The following ZNF469 variants were observed in gnomAD, a reference collection of about 807,000 sequenced individuals.
The protein encoded by ZNF469 is zinc finger protein 469.
In ZNF469, 1 loss-of-function variant was observed where a neutral mutation model predicts 1.0. That is an observed-to-expected ratio of 1.00 (90% CI 0.35 to 4.73). The LOEUF is 4.73. ZNF469 is among the 30% of genes most tolerant of loss of function. The pLI, the probability that ZNF469 is intolerant of heterozygous loss-of-function variation, is 0.16. For missense variants in ZNF469, 6,100 were observed against 5,356.3 expected, an observed-to-expected ratio of 1.14 and a Z score of -4.33; for synonymous variants, 2,703 against 2,363.4, an observed-to-expected ratio of 1.14 and a Z score of -4.17.
At chr16:88,409,459 C>T (rs1470102239) in intron 1 of ZNF469, among the ~76,000 whole-genome samples, 1 of 152,034 alleles carries the variant, frequency 6.6e-6, no homozygotes, top group Admixed American at 6.5e-5. Context: ...CAGTCACCTG[C>T]ATCCTCGGGG....
the ZNF469 span, among the ~76,000 whole-genome samples, chr16:88,346,426 C>T: frequency 6.6e-6 from 1 of 152,280 alleles, no homozygotes; most frequent in Admixed American, 6.5e-5. Context: ...CCTCCCAGCC[C>T]TGGCCTGGAC....
the ZNF469 span, among the ~76,000 whole-genome samples, chr16:88,284,834 T>TC: frequency 1.6e-4 from 24 of 152,160 alleles, no homozygotes; most frequent in African/African-American, 5.6e-4. Context: ...GAGCCGCAGG[T>TC]CCCCACACAT....
At chr16:88,176,734 C>T in the ZNF469 span, among the ~76,000 whole-genome samples, 2 of 152,258 alleles carry the variant, frequency 1.3e-5, no homozygotes, top group Admixed American at 1.3e-4. Flanking sequence ...CCTGCCGGCC[C>T]ACATACAGCC....
the ZNF469 span, among the ~76,000 whole-genome samples, chr16:88,260,922 G>A: frequency 6.6e-6 from 1 of 152,142 alleles, no homozygotes; most frequent in East Asian, 1.9e-4. This position sits in a 1 kb window ranked among gnomAD's most constrained non-coding sequence, Gnocchi z 4.1. Context: ...AGGCTGCGTG[G>A]CCACGGACGC....
chr16:88,355,909 G>A, the ZNF469 span, among the ~76,000 whole-genome samples: 1 of 152,140 alleles, frequency 6.6e-6, no homozygotes, highest in Non-Finnish European at 1.5e-5. Flanking sequence ...GTCAGCCTCT[G>A]GGGCATGCCG....
the ZNF469 span, among the ~76,000 whole-genome samples, chr16:88,174,184 AAGAT>A: frequency 6.6e-6 from 1 of 152,204 alleles, no homozygotes; most frequent in Non-Finnish European, 1.5e-5. Context: ...AATCAATAGA[AAGAT>A]AGAGTGGCTC....
At chr16:88,179,057 C>T in the ZNF469 span, 1 of 152,414 alleles carries the variant, frequency 6.6e-6, no homozygotes, top group East Asian at 1.9e-4. Context: ...GCGTGTGATC[C>T]TGTGGGTGGG....
Position 88,432,321 on chromosome 16 carries a change from C to T in ZNF469, c.4851C>T (p.Pro1617=). The part of the protein sequence containing the change: ...SQRRTCQATV[P]HEDTFSAADL... ...GGCGCACCTGCCAGGCCACCGTGCC[C>T]CACGAGGACACGTTCTCGGCAGCTG... is the stretch of plus-strand genomic sequence containing the variant. The change falls in exon 3 of 3, where the codon CCC becomes CCT. Residue 1617 remains proline, a synonymous_variant. Transcript: ENST00000565624. 6.5e-7 allele frequency: 1 copy of T among 1,547,928 alleles called. No individual in the cohort carries two copies. The highest frequency in any genetic ancestry group is 8.7e-7 in the Non-Finnish European group (1 of 1,146,944).
At chr16:88,170,483 C>A in the ZNF469 span, among the ~76,000 whole-genome samples, 1 of 152,204 alleles carries the variant, frequency 6.6e-6, no homozygotes, top group Admixed American at 6.5e-5. The surrounding 1 kb of genome is among the most constrained non-coding windows in gnomAD (Gnocchi z 4.2). Context: ...CTACTCTCTG[C>A]TTCAGTGAGT....
intron 1 of ZNF469, among the ~76,000 whole-genome samples, chr16:88,392,007 C>T (rs1018241769): frequency 6.6e-6 from 1 of 152,206 alleles, no homozygotes; most frequent in Non-Finnish European, 1.5e-5. Context: ...GATGCAGATA[C>T]ATTATATCAC....
the ZNF469 span, among the ~76,000 whole-genome samples, chr16:88,107,782 C>T: frequency 1.3e-5 from 2 of 152,246 alleles, no homozygotes; most frequent in Non-Finnish European, 1.5e-5. Context: ...GGCTTGCAGA[C>T]GCTGCAGAAG....
the ZNF469 span, among the ~76,000 whole-genome samples, chr16:88,112,772 CTTTTTTT>C: frequency 1.4e-5 from 1 of 73,466 alleles, no homozygotes; most frequent in African/African-American, 6.0e-5. Flanking sequence ...TGTGCAGAAG[CTTTTTTT>C]TTTTTTTTTT....
chr16:88,161,666 C>G, the ZNF469 span, among the ~76,000 whole-genome samples: 12 of 152,160 alleles, frequency 7.9e-5, no homozygotes, highest in African/African-American at 2.9e-4. Flanking sequence ...CTAGAAACTT[C>G]CAGTTATTCA....
At chr16:88,305,157 G>T in the ZNF469 span, among the ~76,000 whole-genome samples, 1 of 152,148 alleles carries the variant, frequency 6.6e-6, no homozygotes, top group Admixed American at 6.5e-5. Context: ...GTCCATGCCC[G>T]GCATGGGGCA....
chr16:88,351,630 G>A, the ZNF469 span, among the ~76,000 whole-genome samples: 3 of 152,050 alleles, frequency 2.0e-5, no homozygotes, highest in Non-Finnish European at 2.9e-5. Context: ...ACCAAGTCCC[G>A]TGCTGTGGCG....
chr16:88,116,148 G>A, the ZNF469 span, among the ~76,000 whole-genome samples: 9 of 152,188 alleles, frequency 5.9e-5, no homozygotes, highest in Non-Finnish European at 8.8e-5. Flanking sequence ...AAAACAAGCC[G>A]ATGTGAGAAT....
the ZNF469 span, among the ~76,000 whole-genome samples, chr16:88,360,677 CCAGACAG>C: frequency 1.4e-5 from 2 of 140,934 alleles, no homozygotes; most frequent in Admixed American, 7.0e-5. Flanking sequence ...CAGTCCACCC[CCAGACAG>C]CGCCCGCGTG....
the ZNF469 span, among the ~76,000 whole-genome samples, chr16:88,249,360 A>T: frequency 7.0e-6 from 1 of 143,044 alleles, no homozygotes; most frequent in Admixed American, 7.0e-5. Flanking sequence ...CCCAAGCAGG[A>T]CTCCCAAGAT....
chr16:88,312,467 T>C, the ZNF469 span, among the ~76,000 whole-genome samples: 1 of 152,218 alleles, frequency 6.6e-6, no homozygotes. Flanking sequence ...TTGCCAAATT[T>C]CTCCCCAATT....
Sources: gnomAD v4.1 joint callset for allele counts (sites outside exome capture counted in the v4.1 genomes callset) on GRCh38, gnomAD v4.1.1 for gene constraint, Gnocchi (gnomAD v3.1) non-coding constraint, MANE v1.5 for transcripts, NCBI Gene and HGNC (gene_info 2026-07-23, HGNC 2026-07-21) for gene names.